Variants in INSL6 observed in about 807,000 individuals in gnomAD.
INSL6 encodes insulin-like peptide INSL6.
In INSL6, 16 loss-of-function variants were observed where a neutral mutation model predicts 9.4. The ratio of observed to expected loss-of-function variants is 1.70; its 90% CI spans 1.15 to 2.59. The LOEUF is 2.59. INSL6 is among the 30% of genes most tolerant of loss of function. The probability of loss-of-function intolerance (pLI) is 0.00; values close to 1 mark genes in which losing one functional copy is unlikely to be tolerated. For missense variants in INSL6, 391 were observed against 257.3 expected, an observed-to-expected ratio of 1.52 and a Z score of -3.56; for synonymous variants, 154 against 96.9, an observed-to-expected ratio of 1.59 and a Z score of -3.46.
At chr9:5,112,662 T>G in the INSL6 span, 2 of 960,706 alleles carry the variant, frequency 2.1e-6, no homozygotes, top group Non-Finnish European at 2.9e-6. Context: ...CTCCTTATCC[T>G]GCACCAGGCC....
intron 3 of INSL6, chr9:5,126,823 G>C: frequency 7.4e-7 from 1 of 1,352,474 alleles, no homozygotes; most frequent in Non-Finnish European, 1.1e-6. Context: ...GACCAAAGTA[G>C]ATTTACAGAA....
At chr9:5,069,434 A>G in the INSL6 span, among the ~76,000 whole-genome samples, 1 of 152,184 alleles carries the variant, frequency 6.6e-6, no homozygotes, top group African/African-American at 2.4e-5. Flanking sequence ...GATTTTAAAC[A>G]TAATGTGTGG....
At chr9:5,171,380 T>G (rs974333983) in intron 1 of INSL6, among the ~76,000 whole-genome samples, 2 of 152,166 alleles carry the variant, frequency 1.3e-5, no homozygotes, top group African/African-American at 4.8e-5. Context: ...CCAAATATCA[T>G]ACTGAATGGG....
the INSL6 span, chr9:5,112,055 G>C: frequency 9.8e-6 from 4 of 406,548 alleles, no homozygotes; most frequent in African/African-American, 6.2e-5. Flanking sequence ...GCTACGACGG[G>C]GGTCTCCACG....
downstream of INSL6, among the ~76,000 whole-genome samples, chr9:5,161,700 C>A (rs1824930410): frequency 6.6e-6 from 1 of 152,044 alleles, no homozygotes; most frequent in South Asian, 2.1e-4. Flanking sequence ...AAGGACTCCA[C>A]CAAAAAATGA....
At chr9:5,081,183 C>G in the INSL6 span, among the ~76,000 whole-genome samples, 1 of 151,854 alleles carries the variant, frequency 6.6e-6, no homozygotes, top group Non-Finnish European at 1.5e-5. Flanking sequence ...GCTTGAGCCA[C>G]CGCTCCCAGC....
chr9:5,107,561 G>A, the INSL6 span, among the ~76,000 whole-genome samples: 2 of 152,104 alleles, frequency 1.3e-5, no homozygotes, highest in Non-Finnish European at 2.9e-5. Flanking sequence ...GGGTTAGATT[G>A]AATTGAATTG....
At chr9:5,105,076 A>AAG in the INSL6 span, among the ~76,000 whole-genome samples, 3 of 152,352 alleles carry the variant, frequency 2.0e-5, no homozygotes, top group South Asian at 6.2e-4. Flanking sequence ...AGGCAAGAGA[A>AAG]AGAAATAAAG....
At chr9:5,076,946 A>T in the INSL6 span, among the ~76,000 whole-genome samples, 697 of 85,278 alleles carry the variant, frequency 8.2e-3, 9 homozygotes, top group East Asian at 0.087. Context: ...ATATTTTTTT[A>T]AAAAAGTTTT....
chr9:5,090,079 C>T, the INSL6 span, among the ~76,000 whole-genome samples: 6 of 152,160 alleles, frequency 3.9e-5, no homozygotes, highest in Admixed American at 3.9e-4. Flanking sequence ...CTTGCTTAAG[C>T]TTACCAAGAA....
At chr9:5,114,750 G>C in the INSL6 span, 1 of 339,638 alleles carries the variant, frequency 2.9e-6, no homozygotes. Flanking sequence ...TGTGGTCCAT[G>C]AGACAGCGAC....
intron 1 of INSL6, among the ~76,000 whole-genome samples, chr9:5,177,231 G>A (rs1370840749): frequency 6.6e-6 from 1 of 152,172 alleles, no homozygotes; most frequent in African/African-American, 2.4e-5. Context: ...CAGAGAGAAA[G>A]AAGAAATGCA....
intron 1 of INSL6, among the ~76,000 whole-genome samples, chr9:5,172,587 C>T (rs1410708563): frequency 6.6e-6 from 1 of 152,184 alleles, no homozygotes; most frequent in Non-Finnish European, 1.5e-5. Context: ...TATCCAGAAT[C>T]TACAAGGAAC....
At chr9:5,056,285 A>G in the INSL6 span, among the ~76,000 whole-genome samples, 2 of 152,100 alleles carry the variant, frequency 1.3e-5, no homozygotes, top group Non-Finnish European at 2.9e-5. Flanking sequence ...CTTTTTTTAA[A>G]TAGCTTCAGA....
At chr9:5,061,426 G>A in the INSL6 span, among the ~76,000 whole-genome samples, 32 of 152,326 alleles carry the variant, frequency 2.1e-4, no homozygotes, top group African/African-American at 7.0e-4. Context: ...TGGATAACTT[G>A]CTGTAGCTTC....
At chr9:5,030,985 T>C in the INSL6 span, among the ~76,000 whole-genome samples, 4 of 152,142 alleles carry the variant, frequency 2.6e-5, no homozygotes, top group African/African-American at 7.2e-5. Flanking sequence ...GAAGATCCTA[T>C]GCAGTGTAGC....
chr9:5,022,750 ACT>A, the INSL6 span, among the ~76,000 whole-genome samples: 3 of 152,170 alleles, frequency 2.0e-5, no homozygotes, highest in African/African-American at 7.2e-5. Flanking sequence ...GAACCAGAGA[ACT>A]CTTTCTATAG....
At position 5,150,123 on chromosome 9, in the gene INSL6, A is replaced by G. The variant is rs962504044; in HGVS notation, c.376+14056T>C. 3.3e-5 allele frequency among the ~76,000 whole-genome samples: 5 copies of G among 152,248 alleles called. No individual in the cohort carries two copies. The South Asian group carries it at 1.0e-3, about 31-fold the overall frequency. On this transcript the variant is annotated intron_variant, in intron 2 of 3. Coordinates refer to the INSL6 transcript ENST00000649639. Reference sequence around the variant, plus strand: ...AAGATAAATTAAAGATTTAAATGTCAGAACTGAAACTATAAACATTCTAGA... The same window carrying G: ...AAGATAAATTAAAGATTTAAATGTCGGAACTGAAACTATAAACATTCTAGA...
chr9:5,168,287 G>C (rs1379577320), intron 1 of INSL6, among the ~76,000 whole-genome samples: 2 of 152,172 alleles, frequency 1.3e-5, no homozygotes, highest in Admixed American at 6.5e-5. Flanking sequence ...CTGAGCTAAA[G>C]GAGTATGTTC....
Sources: gnomAD v4.1 joint callset for allele counts (sites outside exome capture counted in the v4.1 genomes callset) on GRCh38, gnomAD v4.1.1 for gene constraint, MANE v1.5 for transcripts, NCBI Gene and HGNC (gene_info 2026-07-23, HGNC 2026-07-21) for gene names.